The following KPNA4 variants were observed in gnomAD, a reference collection of about 807,000 sequenced individuals.
KPNA4 encodes the protein importin subunit alpha-3.
A neutral mutation model predicts 71.3 loss-of-function variants in KPNA4; 13 were observed. The observed-to-expected ratio is 0.18, with a 90% CI of 0.12 to 0.29. The LOEUF is 0.29. Among genes scored for constraint, KPNA4 ranks in the 10% least tolerant of loss-of-function variants. The pLI is 1.00. For synonymous variants in KPNA4, 189 were observed against 195.2 expected (o/e 0.97, Z 0.26); for missense variants, 334 against 603.2 (o/e 0.55, Z 4.67).
At chr3:160,544,385 T>G (rs770757683) in intron 1 of KPNA4, among the ~76,000 whole-genome samples, 1 of 152,160 alleles carries the variant, frequency 6.6e-6, no homozygotes, top group Non-Finnish European at 1.5e-5. Flanking sequence ...GGACAACCTA[T>G]AAATAAATCT....
At chr3:160,543,782 T>C (rs193070285) in intron 1 of KPNA4, among the ~76,000 whole-genome samples, 84 of 152,256 alleles carry the variant, frequency 5.5e-4, no homozygotes, top group Middle Eastern at 3.4e-3. Flanking sequence ...TCTGGTACAG[T>C]TGCTTGGTGT....
intron 12 of KPNA4, chr3:160,514,960 C>T: frequency 1.9e-6 from 1 of 519,068 alleles, no homozygotes; most frequent in South Asian, 1.4e-5. Flanking sequence ...TTTAGGGTGC[C>T]AGGCTAGTTA....
At chr3:160,535,715 C>A in intron 3 of KPNA4, 25 bp from the exon 4 acceptor site, 1 of 1,572,304 alleles carries the variant, frequency 6.4e-7, no homozygotes, top group Non-Finnish European at 8.6e-7. Context: ...AAAGAGAAAA[C>A]TCAGTTAAAA....
At chr3:160,563,462 T>C (rs1015674585) in intron 1 of KPNA4, among the ~76,000 whole-genome samples, 4 of 152,204 alleles carry the variant, frequency 2.6e-5, no homozygotes, top group Admixed American at 1.3e-4. Flanking sequence ...GTGGTGATGG[T>C]TGCAAAACTG....
chr3:160,513,567 A>G (rs1381856980), intron 13 of KPNA4, among the ~76,000 whole-genome samples: 1 of 152,072 alleles, frequency 6.6e-6, no homozygotes, highest in East Asian at 1.9e-4. Flanking sequence ...ACCCAGCCTC[A>G]TGCTGTAATT....
chr3:160,547,438 G>A (rs975304220), intron 1 of KPNA4, among the ~76,000 whole-genome samples: 1 of 152,180 alleles, frequency 6.6e-6, no homozygotes, highest in African/African-American at 2.4e-5. Context: ...AGCAGTTTTA[G>A]GTTTACAGGA....
intron 1 of KPNA4, among the ~76,000 whole-genome samples, chr3:160,537,368 G>C (rs1721710911): frequency 6.6e-6 from 1 of 151,670 alleles, no homozygotes; most frequent in South Asian, 2.1e-4. Flanking sequence ...TTTGTTTATA[G>C]AACTTAGAGA....
At chr3:160,527,161 T>C (rs192544334) in intron 8 of KPNA4, among the ~76,000 whole-genome samples, 7 of 152,296 alleles carry the variant, frequency 4.6e-5, no homozygotes, top group African/African-American at 1.7e-4. Context: ...AGATTAGCAA[T>C]ACCCCTACAA....
Position 160,528,055 on chromosome 3 carries a change from A to G in KPNA4, c.470-16T>C. On this transcript the variant is annotated splice_polypyrimidine_tract_variant and intron_variant, in intron 7 of 16. Transcript: ENST00000334256. ...GGCACAGCATCTGATGGAAGAAAAA[A>G]TAACAATACTTAAGGTTGAAGATAC... The G allele has an allele frequency of 1.9e-6, 3 of 1,595,024 alleles. No homozygotes were observed. The highest frequency in any genetic ancestry group is 2.6e-6 in the Non-Finnish European group (3 of 1,164,112).
rs1357844553 is a variant in KPNA4, at chr3:160,500,442, T to C, written c.*1662A>G. On this transcript the variant is annotated 3_prime_UTR_variant, in exon 17 of 17. Coordinates refer to ENST00000334256, the MANE Select transcript of KPNA4 (RefSeq NM_002268.5). Reference sequence around the variant, plus strand: ...AATGGTGGCTAATCTGGTATGTTTCTTATAGCAAACTGTTGTTCATGCAAC... The same window carrying C: ...AATGGTGGCTAATCTGGTATGTTTCCTATAGCAAACTGTTGTTCATGCAAC... 3 of 152,654 alleles carry C rather than the reference T, an allele frequency of 2.0e-5. No individual in the cohort carries two copies. Among genetic ancestry groups the C allele is most frequent in the Non-Finnish European group, 2.9e-5 (2 of 68,024 alleles). 9.5% of individuals were successfully genotyped at this position (152,654 alleles called of 1,614,324 possible). A position where few individuals can be genotyped will look rare whatever the true frequency, so the allele number is the denominator to read the frequency against.
In KPNA4 at chr3:160,515,897, G is replaced by A. The variant is rs145301883; in HGVS notation, c.904-317C>T. Among the ~76,000 whole-genome samples the A allele has an allele frequency of 2.5e-4, 38 of 152,292 alleles. No individual in the cohort carries two copies. The East Asian group carries it at 6.8e-3, about 27-fold the overall frequency. Reference sequence around the variant, plus strand: ...CCAAAAGTGCTGGGATTATAGGCATGAGCCATTGTGCCCAGCTGAAACACT... The same window carrying A: ...CCAAAAGTGCTGGGATTATAGGCATAAGCCATTGTGCCCAGCTGAAACACT... On this transcript the variant is annotated intron_variant, in intron 11 of 16. Coordinates refer to ENST00000334256, the MANE Select transcript of KPNA4 (RefSeq NM_002268.5).
At chr3:160,525,646 T>C (rs1020426842) in intron 10 of KPNA4, among the ~76,000 whole-genome samples, 154 bp downstream of exon 10, 18 of 152,138 alleles carry the variant, frequency 1.2e-4, no homozygotes, top group African/African-American at 4.3e-4. Flanking sequence ...TATTATAAAA[T>C]AACTAATCTA....
chr3:160,554,067 T>C (rs1722090292), intron 1 of KPNA4, among the ~76,000 whole-genome samples: 1 of 152,158 alleles, frequency 6.6e-6, no homozygotes, highest in Non-Finnish European at 1.5e-5. Flanking sequence ...ATGAATTCAA[T>C]ACAGGGAAGG....
At chr3:160,562,768 A>G (rs1722271654) in intron 1 of KPNA4, among the ~76,000 whole-genome samples, 1 of 152,204 alleles carries the variant, frequency 6.6e-6, no homozygotes, top group Non-Finnish European at 1.5e-5. Context: ...GAGGACAACC[A>G]TAAGGCACTA....
rs190727260 is a variant in KPNA4 at position 160,522,022 on chromosome 3, C to G, written c.772-112G>C. 116 of 857,406 alleles carry G rather than the reference C, an allele frequency of 1.4e-4. 1 individual carries two copies. In the Admixed American group the frequency reaches 1.9e-3, roughly 14 times the overall value. The allele number at this position is 857,406 out of a possible 1,614,324, so 53.1% of individuals were successfully genotyped here. On this transcript the variant is annotated intron_variant, in intron 10 of 16. Coordinates refer to ENST00000334256, the MANE Select transcript of KPNA4 (RefSeq NM_002268.5). The stretch of plus-strand genomic sequence containing the variant: ...CAACTACCTTCTTCCTTCTTTTCTT[C>G]TCTCAGTTTAATTCATTGGAATCTG...
intron 1 of KPNA4, among the ~76,000 whole-genome samples, chr3:160,563,891 G>A (rs1445786721): frequency 1.3e-5 from 2 of 152,016 alleles, no homozygotes; most frequent in African/African-American, 4.8e-5. Context: ...TGGACACTTA[G>A]TCGTCCCTCA....
At chr3:160,555,967 G>C (rs1333499428) in intron 1 of KPNA4, among the ~76,000 whole-genome samples, 1 of 152,152 alleles carries the variant, frequency 6.6e-6, no homozygotes, top group Non-Finnish European at 1.5e-5. Flanking sequence ...AGGTAGCTGG[G>C]ATCACAGGCA....
rs1306387595 is a variant in KPNA4, at chr3:160,498,225, C to T, written c.*3879G>A. On this transcript the variant is annotated 3_prime_UTR_variant, in exon 17 of 17. Transcript: ENST00000334256. ...TGTATGAAAAACTACCATGTATATA[C>T]ACTTTTTGGGGAAGCTGGTCCAGTT... The T allele has an allele frequency of 2.0e-5, 3 of 152,182 alleles. No homozygotes were observed. The highest frequency in any genetic ancestry group is 7.2e-5 in the African/African-American group (3 of 41,432). The allele number at this position is 152,182 out of a possible 1,614,324, so 9.4% of individuals were successfully genotyped here.
At chr3:160,509,534 C>A (rs1392021547) in intron 14 of KPNA4, among the ~76,000 whole-genome samples, 1 of 152,102 alleles carries the variant, frequency 6.6e-6, no homozygotes, top group African/African-American at 2.4e-5. Context: ...CAAGGTGATA[C>A]TTCTATGTGA....
Sources: gnomAD v4.1 joint callset for allele counts (sites outside exome capture counted in the v4.1 genomes callset) on GRCh38, gnomAD v4.1.1 for gene constraint, MANE v1.5 for transcripts, NCBI Gene and HGNC (gene_info 2026-07-23, HGNC 2026-07-21) for gene names.